Variants in GPC5 observed in about 807,000 individuals in gnomAD.
The protein encoded by GPC5 is glypican-5.
In GPC5, 47 loss-of-function variants were observed where a neutral mutation model predicts 53.9. The observed-to-expected ratio is 0.87, with a 90% confidence interval of 0.69 to 1.11. The LOEUF (loss-of-function observed/expected upper bound fraction) is 1.11, where lower values mean the gene tolerates loss of function less well. GPC5 is among the 50% of genes most tolerant of loss of function. The pLI, the probability that GPC5 is intolerant of heterozygous loss-of-function variation, is 0.00. For missense variants in GPC5, 748 were observed against 713.1 expected, an observed-to-expected ratio of 1.05 and a Z score of -0.56; for synonymous variants, 286 against 263.3, an observed-to-expected ratio of 1.09 and a Z score of -0.84.
chr13:91,765,201 T>C (rs2037499253), intron 5 of GPC5, among the ~76,000 whole-genome samples: 1 of 152,254 alleles, frequency 6.6e-6, no homozygotes, highest in African/African-American at 2.4e-5. Flanking sequence ...GCCCTTTTAG[T>C]CCTTCCAGCT....
chr13:92,172,810 T>A (rs1406151558), intron 7 of GPC5, among the ~76,000 whole-genome samples: 1 of 152,034 alleles, frequency 6.6e-6, no homozygotes, highest in South Asian at 2.1e-4. Flanking sequence ...TCTGAAACTA[T>A]TTTTTCCAAT....
chr13:92,604,304 G>T (rs1884179272), intron 7 of GPC5, among the ~76,000 whole-genome samples: 1 of 152,006 alleles, frequency 6.6e-6, no homozygotes, highest in Admixed American at 6.6e-5. Context: ...TATTTATTCA[G>T]AAATCAGTAT....
chr13:92,788,413 A>T (rs768362552), intron 7 of GPC5, among the ~76,000 whole-genome samples: 2 of 152,336 alleles, frequency 1.3e-5, no homozygotes, highest in Non-Finnish European at 1.5e-5. Context: ...AATAAATATT[A>T]CACATTTCAA....
At chr13:91,719,452 T>C (rs7999708) in intron 3 of GPC5, among the ~76,000 whole-genome samples, 38,278 of 152,144 alleles carry the variant, frequency 0.25, 5,303 homozygotes, top group African/African-American at 0.38. Flanking sequence ...TCTGATTTCT[T>C]CTGCCTTCTC....
At chr13:92,736,289 C>T (rs542008327) in intron 7 of GPC5, among the ~76,000 whole-genome samples, 50 of 152,094 alleles carry the variant, frequency 3.3e-4, no homozygotes, top group Non-Finnish European at 6.8e-4. Flanking sequence ...TGAGTAGCCA[C>T]AGTTACCTTT....
intron 6 of GPC5, among the ~76,000 whole-genome samples, chr13:92,072,108 TTGAA>T (rs2041216647): frequency 6.8e-6 from 1 of 146,446 alleles, no homozygotes; most frequent in African/African-American, 2.5e-5. Context: ...ATTCATTTTA[TTGAA>T]TGAATGATTA....
At chr13:92,184,668 A>C (rs2042171679) in intron 7 of GPC5, among the ~76,000 whole-genome samples, 1 of 152,206 alleles carries the variant, frequency 6.6e-6, no homozygotes, top group Admixed American at 6.5e-5. Flanking sequence ...TATGCCTTTA[A>C]AATATTTTTT....
chr13:91,668,847 T>C (rs1026973616), intron 2 of GPC5, among the ~76,000 whole-genome samples: 3 of 152,230 alleles, frequency 2.0e-5, no homozygotes, highest in African/African-American at 7.2e-5. Context: ...CATTGTTCTA[T>C]ATCTTTGTAA....
At chr13:92,267,334 C>T (rs2042809657) in intron 7 of GPC5, among the ~76,000 whole-genome samples, 1 of 152,040 alleles carries the variant, frequency 6.6e-6, no homozygotes, top group Admixed American at 6.6e-5. Context: ...ATTACCACTT[C>T]AGAATTTTCT....
chr13:91,521,373 A>T (rs1326335401), intron 2 of GPC5, among the ~76,000 whole-genome samples: 1 of 152,172 alleles, frequency 6.6e-6, no homozygotes, highest in East Asian at 1.9e-4. Context: ...AGTGTGAGAG[A>T]GAAATAGAAA....
intron 5 of GPC5, among the ~76,000 whole-genome samples, chr13:91,807,662 T>G (rs2138794526): frequency 6.6e-6 from 1 of 152,290 alleles, no homozygotes; most frequent in Non-Finnish European, 1.5e-5. Flanking sequence ...TTTTGAGGAA[T>G]GACAATCTGT....
intron 7 of GPC5, among the ~76,000 whole-genome samples, chr13:92,819,518 T>A (rs1344083267): frequency 6.6e-6 from 1 of 152,246 alleles, no homozygotes; most frequent in Non-Finnish European, 1.5e-5. Flanking sequence ...TTTGACTAGA[T>A]GAACTGTAAA....
chr13:92,715,616 T>A (rs896821870), intron 7 of GPC5, among the ~76,000 whole-genome samples: 2 of 152,226 alleles, frequency 1.3e-5, no homozygotes, highest in African/African-American at 4.8e-5. Flanking sequence ...CTTGGATGTT[T>A]ATACTTACTT....
intron 7 of GPC5, among the ~76,000 whole-genome samples, chr13:92,745,034 A>C (rs1448589061): frequency 6.6e-6 from 1 of 152,054 alleles, no homozygotes; most frequent in South Asian, 2.1e-4. Flanking sequence ...TAACTGTAAA[A>C]TTATAAAAAA....
At chr13:92,550,786 C>A (rs575364417) in intron 7 of GPC5, among the ~76,000 whole-genome samples, 3 of 151,960 alleles carry the variant, frequency 2.0e-5, no homozygotes, top group African/African-American at 4.8e-5. Context: ...TCAGCAGCAA[C>A]AACAGCAGCA....
chr13:91,917,497 C>T (rs1245907716), intron 6 of GPC5, among the ~76,000 whole-genome samples: 1 of 152,200 alleles, frequency 6.6e-6, no homozygotes, highest in Non-Finnish European at 1.5e-5. Flanking sequence ...GGCTGGAGGA[C>T]AATGGCTGTC....
intron 7 of GPC5, among the ~76,000 whole-genome samples, chr13:92,796,753 C>G (rs1025512147): frequency 6.6e-5 from 10 of 151,850 alleles, no homozygotes; most frequent in Admixed American, 3.9e-4. Context: ...CTACATCAGT[C>G]AGAAAATTAT....
At chr13:92,105,471 G>A (rs2041502651) in intron 6 of GPC5, among the ~76,000 whole-genome samples, 1 of 152,014 alleles carries the variant, frequency 6.6e-6, no homozygotes, top group South Asian at 2.1e-4. Flanking sequence ...GTGTAATTTA[G>A]TTCAACTTTT....
At chr13:92,742,521 T>A (rs1363682237) in intron 7 of GPC5, among the ~76,000 whole-genome samples, 1 of 146,772 alleles carries the variant, frequency 6.8e-6, no homozygotes, top group African/African-American at 2.5e-5. Context: ...TTTTCTCCCA[T>A]GTTGTAGGTT....
Sources: allele counts gnomAD v4.1 joint callset (sites outside exome capture counted in the v4.1 genomes callset), GRCh38; gene constraint gnomAD v4.1.1; transcripts MANE v1.5; gene names NCBI Gene and HGNC (gene_info 2026-07-23, HGNC 2026-07-21).